NXPE4: variants seen among roughly 807,000 people sequenced by gnomAD.
The protein encoded by NXPE4 is NXPE family member 4.
In NXPE4, 42 loss-of-function variants were observed where a neutral mutation model predicts 33.3. The ratio of observed to expected loss-of-function variants is 1.26; its 90% CI spans 0.98 to 1.63. The LOEUF (loss-of-function observed/expected upper bound fraction) is 1.63, where lower values mean the gene tolerates loss of function less well. Among genes scored for constraint, NXPE4 ranks in the 40% most tolerant of loss-of-function variants. The pLI, the probability that NXPE4 is intolerant of heterozygous loss-of-function variation, is 0.00. For missense variants in NXPE4, 709 were observed against 647.6 expected (o/e 1.09, Z -1.03); for synonymous variants, 253 against 234.9 (o/e 1.08, Z -0.71).
chr11:114,645,171 G>A, the NXPE4 span, among the ~76,000 whole-genome samples: 13 of 151,990 alleles, frequency 8.6e-5, no homozygotes, highest in South Asian at 4.2e-4. Flanking sequence ...GCGTGATGGC[G>A]TGCACTTATA....
chr11:114,600,454 A>G (rs1010367353), upstream of NXPE4, among the ~76,000 whole-genome samples: 2 of 152,178 alleles, frequency 1.3e-5, no homozygotes, highest in African/African-American at 2.4e-5. Context: ...CAAATGCTGT[A>G]CTGAGAAGGG....
the NXPE4 span, among the ~76,000 whole-genome samples, chr11:114,663,638 A>T: frequency 2.6e-4 from 2 of 7,796 alleles, no homozygotes; most frequent in East Asian, 0.017. Flanking sequence ...TCTATCTATC[A>T]TCTATCCATC....
chr11:114,602,866 A>G, the NXPE4 span, among the ~76,000 whole-genome samples: 4 of 147,258 alleles, frequency 2.7e-5, no homozygotes, highest in Non-Finnish European at 1.5e-5. Context: ...ATTATCTCAT[A>G]TATAATTATA....
the NXPE4 span, among the ~76,000 whole-genome samples, chr11:114,624,301 GATA>G: frequency 6.6e-6 from 1 of 152,068 alleles, no homozygotes; most frequent in Non-Finnish European, 1.5e-5. Flanking sequence ...TTACCCGGTG[GATA>G]ATAAGTGTTG....
the NXPE4 span, among the ~76,000 whole-genome samples, chr11:114,612,894 G>T: frequency 6.6e-6 from 1 of 151,898 alleles, no homozygotes; most frequent in South Asian, 2.1e-4. Flanking sequence ...TGCCTCACGG[G>T]TAAGCACTGT....
the NXPE4 span, among the ~76,000 whole-genome samples, chr11:114,626,118 C>T: frequency 3.3e-5 from 5 of 152,102 alleles, no homozygotes; most frequent in African/African-American, 9.7e-5. Flanking sequence ...CGCCATTGCC[C>T]AGGCTTGCTT....
chr11:114,610,998 A>G, the NXPE4 span, among the ~76,000 whole-genome samples: 1 of 151,714 alleles, frequency 6.6e-6, no homozygotes, highest in Non-Finnish European at 1.5e-5. Context: ...TACCCACTGG[A>G]TAATAAATGT....
intron 2 of NXPE4, among the ~76,000 whole-genome samples, chr11:114,591,932 CAT>C (rs1185717851): frequency 1.3e-5 from 2 of 152,120 alleles, no homozygotes; most frequent in African/African-American, 2.4e-5. Context: ...CAACAAAAAT[CAT>C]ATAATCATCT....
the NXPE4 span, among the ~76,000 whole-genome samples, chr11:114,632,473 C>CTATAT: frequency 8.2e-6 from 1 of 122,218 alleles, no homozygotes; most frequent in African/African-American, 3.1e-5. Context: ...ATTATATATA[C>CTATAT]TATATAATAC....
chr11:114,642,326 A>G, the NXPE4 span, among the ~76,000 whole-genome samples: 4 of 152,050 alleles, frequency 2.6e-5, no homozygotes, highest in Admixed American at 6.6e-5. Context: ...AGTTCTCCAC[A>G]TGTGCAGAAC....
Position 114,594,746 on chromosome 11 carries a change from A to G in NXPE4, c.14T>C (p.Met5Thr), listed in dbSNP as rs1949540574. MKISMINYKSLLALL... is the reference protein window; with the variant it reads MKISTINYKSLLALL... ...TGCCAATAGTGACTTATAATTTATC[A>G]TACTTATTTTCATGATTAGGATCCT... is the stretch of plus-strand genomic sequence containing the variant. The change falls in exon 2 of 6, where the codon ATG (methionine) becomes ACG (threonine). Residue 5 changes from methionine to threonine, a missense_variant. Transcript: ENST00000375478. The G allele has an allele frequency of 1.3e-6, 2 of 1,552,908 alleles. No homozygotes were observed. Among genetic ancestry groups the G allele is most frequent in the Non-Finnish European group, 1.8e-6 (2 of 1,130,578 alleles).
chr11:114,595,164 C>A (rs1018934635), intron 1 of NXPE4, among the ~76,000 whole-genome samples: 3 of 152,108 alleles, frequency 2.0e-5, no homozygotes, highest in Admixed American at 1.3e-4. Context: ...CACTGAGAAC[C>A]ACATCATTAC....
the NXPE4 span, among the ~76,000 whole-genome samples, chr11:114,668,031 A>G: frequency 3.9e-5 from 6 of 152,134 alleles, no homozygotes; most frequent in Non-Finnish European, 8.8e-5. Context: ...TTCTACAGGT[A>G]CACACAGAAG....
At chr11:114,576,002 C>T (rs1296314325) in intron 5 of NXPE4, among the ~76,000 whole-genome samples, 1 of 152,090 alleles carries the variant, frequency 6.6e-6, no homozygotes, top group Admixed American at 6.6e-5. Context: ...TAAAAATAGG[C>T]ACATAGACCA....
At chr11:114,639,734 TAA>T in the NXPE4 span, among the ~76,000 whole-genome samples, 17 of 100,374 alleles carry the variant, frequency 1.7e-4, no homozygotes, top group East Asian at 9.0e-4. Flanking sequence ...TAATATAATA[TAA>T]AATAATATAT....
chr11:114,646,106 T>G, the NXPE4 span, among the ~76,000 whole-genome samples: 2 of 152,128 alleles, frequency 1.3e-5, no homozygotes, highest in Non-Finnish European at 2.9e-5. Flanking sequence ...CTTTTATTTC[T>G]TAATATGTTT....
the NXPE4 span, among the ~76,000 whole-genome samples, chr11:114,633,406 T>G: frequency 6.9e-6 from 1 of 145,504 alleles, no homozygotes; most frequent in Non-Finnish European, 1.5e-5. Context: ...TATATTATAT[T>G]TTATTATATG....
chr11:114,583,842 C>G (rs577480645), intron 2 of NXPE4: 1 of 393,218 alleles, frequency 2.5e-6, no homozygotes, highest in African/African-American at 2.1e-5. Flanking sequence ...AGGACTGTGT[C>G]CTTTCATAAA....
the NXPE4 span, among the ~76,000 whole-genome samples, chr11:114,601,398 C>A: frequency 7.2e-6 from 1 of 139,178 alleles, no homozygotes; most frequent in Non-Finnish European, 1.5e-5. Flanking sequence ...CAGTTCCATC[C>A]GTGTTGCTGC....
Sources: allele counts gnomAD v4.1 joint callset (sites outside exome capture counted in the v4.1 genomes callset), GRCh38; gene constraint gnomAD v4.1.1; transcripts MANE v1.5; gene names NCBI Gene and HGNC (gene_info 2026-07-23, HGNC 2026-07-21).